TRIO: variants seen among roughly 807,000 people sequenced by gnomAD.
The protein encoded by TRIO is trio Rho guanine nucleotide exchange factor, also known as triple functional domain protein.
TRIO carries 58 observed loss-of-function variants against 351.9 expected under a neutral mutation model. That is an observed-to-expected ratio of 0.16 (90% CI 0.13 to 0.21). The LOEUF (loss-of-function observed/expected upper bound fraction) is 0.21. Ranked by LOEUF, TRIO falls within the 10% of genes least tolerant of loss-of-function variation. The pLI is 1.00. For synonymous variants in TRIO, 1,758 were observed against 1,595.7 expected (o/e 1.10, Z -2.42); for missense variants, 3,201 against 4,027.8 (o/e 0.79, Z 5.56).
intron 30 of TRIO, 42 bp from the exon 31 acceptor site, chr5:14,400,921 A>G: frequency 6.3e-7 from 1 of 1,591,572 alleles, no homozygotes; most frequent in Non-Finnish European, 8.6e-7. Flanking sequence ...ATCCTTCTAG[A>G]ATTTTACTGT....
At chr5:14,499,004 A>G (rs1757091310) in intron 53 of TRIO, 2 of 217,092 alleles carry the variant, frequency 9.2e-6, no homozygotes. Context: ...CAAAACACTC[A>G]TATCCAGCTA....
chr5:14,341,851 A>G (rs751918834), intron 11 of TRIO, among the ~76,000 whole-genome samples: 9 of 152,202 alleles, frequency 5.9e-5, no homozygotes, highest in Non-Finnish European at 1.5e-5. Context: ...TTGGGCTGTG[A>G]TTCTTGCTGC....
intron 1 of TRIO, among the ~76,000 whole-genome samples, chr5:14,172,985 G>A (rs1789188214): frequency 6.6e-6 from 1 of 152,114 alleles, no homozygotes; most frequent in Non-Finnish European, 1.5e-5. Context: ...GGAATGGGGT[G>A]GCCCACCCAC....
chr5:14,348,529 C>G (rs945774682), intron 11 of TRIO, among the ~76,000 whole-genome samples: 3 of 152,286 alleles, frequency 2.0e-5, no homozygotes, highest in Non-Finnish European at 4.4e-5. Flanking sequence ...ATGTGTTTTT[C>G]CTGCTTGTAT....
intron 9 of TRIO, among the ~76,000 whole-genome samples, chr5:14,326,441 C>T (rs954992673): frequency 2.6e-5 from 4 of 152,178 alleles, no homozygotes; most frequent in South Asian, 2.1e-4. Context: ...TTGGAACAAC[C>T]GTGACCTTGG....
chr5:14,251,579 G>C (rs926485492), intron 1 of TRIO, among the ~76,000 whole-genome samples: 6 of 152,218 alleles, frequency 3.9e-5, no homozygotes, highest in Non-Finnish European at 8.8e-5. Flanking sequence ...CAGAGGCTGG[G>C]CAGCCTCTTT....
intron 3 of TRIO, among the ~76,000 whole-genome samples, chr5:14,282,052 A>G (rs1439304935): frequency 1.3e-5 from 2 of 152,052 alleles, no homozygotes; most frequent in Admixed American, 1.3e-4. Flanking sequence ...CTTGCTGGGG[A>G]GGTTCTTGGG....
chr5:14,484,930 C>T (rs563358174), intron 46 of TRIO, 139 bp from the exon 47 acceptor site: 16 of 781,818 alleles, frequency 2.0e-5, no homozygotes, highest in African/African-American at 7.0e-5. Flanking sequence ...TATTGTGTGT[C>T]GGAATTTCTT....
intron 25 of TRIO, 35 bp from the exon 26 acceptor site, chr5:14,390,196 C>T (rs1433226622): frequency 1.2e-6 from 2 of 1,601,280 alleles, no homozygotes; most frequent in East Asian, 2.2e-5. Context: ...TTTTAAAACA[C>T]CTTTGTAATA....
chr5:14,492,488 A>G, intron 48 of TRIO, 79 bp from the exon 49 acceptor site: 1 of 1,565,876 alleles, frequency 6.4e-7, no homozygotes, highest in African/African-American at 1.3e-5. Context: ...CATGGGGCAC[A>G]CTGACAAGGG....
intron 20 of TRIO, 101 bp from the exon 21 acceptor site, chr5:14,381,029 G>A: frequency 1.4e-6 from 2 of 1,427,738 alleles, no homozygotes; most frequent in East Asian, 2.4e-5. Flanking sequence ...GATGCTGCCA[G>A]CCTTGGTTTG....
intron 2 of TRIO, among the ~76,000 whole-genome samples, chr5:14,279,519 T>C (rs1480547019): frequency 6.6e-6 from 1 of 152,194 alleles, no homozygotes; most frequent in African/African-American, 2.4e-5. Flanking sequence ...GAAGGCTAAA[T>C]TTTCTTCCTC....
intron 18 of TRIO, among the ~76,000 whole-genome samples, chr5:14,373,184 T>C (rs1354957968): frequency 6.6e-6 from 1 of 152,152 alleles, no homozygotes; most frequent in African/African-American, 2.4e-5. Flanking sequence ...CGCTGACATG[T>C]GGAGATTACA....
intron 11 of TRIO, among the ~76,000 whole-genome samples, chr5:14,346,356 G>T (rs770144328): frequency 2.9e-4 from 44 of 152,226 alleles, no homozygotes; most frequent in Non-Finnish European, 5.6e-4. Flanking sequence ...CCCAAATGGT[G>T]AAGGCTTTGT....
At chr5:14,213,197 G>A (rs1792016804) in intron 1 of TRIO, among the ~76,000 whole-genome samples, 1 of 152,050 alleles carries the variant, frequency 6.6e-6, no homozygotes, top group Non-Finnish European at 1.5e-5. Flanking sequence ...GAGAAGGAAA[G>A]TACAATTTTT....
chr5:14,263,655 A>G (rs895061161), intron 1 of TRIO, among the ~76,000 whole-genome samples: 12 of 152,186 alleles, frequency 7.9e-5, no homozygotes, highest in South Asian at 2.1e-4. Context: ...TTTGATACAC[A>G]CTAAATTTCT....
At chr5:14,323,268 A>G (rs1561340019) in intron 9 of TRIO, among the ~76,000 whole-genome samples, 1 of 152,078 alleles carries the variant, frequency 6.6e-6, no homozygotes, top group Non-Finnish European at 1.5e-5. Context: ...GAGCCCCCTC[A>G]TTTTCCAGGT....
intron 2 of TRIO, among the ~76,000 whole-genome samples, chr5:14,273,639 A>C (rs180888977): frequency 2.9e-4 from 44 of 152,354 alleles, no homozygotes; most frequent in African/African-American, 1.1e-3. Context: ...CTTCAGCCAT[A>C]TGAGGACGCA....
intron 33 of TRIO, among the ~76,000 whole-genome samples, chr5:14,409,941 C>G (rs1219827039): frequency 1.3e-5 from 2 of 152,134 alleles, no homozygotes; most frequent in African/African-American, 4.8e-5. Flanking sequence ...AGGACCGCAG[C>G]CTGCCACGCA....
Sources: gnomAD v4.1 joint callset for allele counts (sites outside exome capture counted in the v4.1 genomes callset) on GRCh38, gnomAD v4.1.1 for gene constraint, MANE v1.5 for transcripts, NCBI Gene and HGNC (gene_info 2026-07-23, HGNC 2026-07-21) for gene names.